SLC25A21: variants seen among roughly 807,000 people sequenced by gnomAD.
SLC25A21 encodes mitochondrial 2-oxodicarboxylate carrier.
In SLC25A21, 47 loss-of-function variants were observed where a neutral mutation model predicts 43.8. The ratio of observed to expected loss-of-function variants is 1.07; its 90% CI spans 0.85 to 1.37. The LOEUF (loss-of-function observed/expected upper bound fraction) is 1.37, where lower values mean the gene tolerates loss of function less well. Among genes scored for constraint, SLC25A21 ranks in the 40% most tolerant of loss-of-function variants. SLC25A21 has a pLI of 0.00. For missense variants in SLC25A21, 352 were observed against 350.2 expected (o/e 1.00, Z -0.04); for synonymous variants, 131 against 121.3 (o/e 1.08, Z -0.52).
At chr14:36,936,480 A>G (rs905160802) in intron 1 of SLC25A21, among the ~76,000 whole-genome samples, 2 of 152,194 alleles carry the variant, frequency 1.3e-5, no homozygotes, top group African/African-American at 4.8e-5. Flanking sequence ...AGCCACTAAC[A>G]ACTTTTCCAT....
chr14:37,060,393 AATAATAAT>A (rs911996333), intron 1 of SLC25A21, among the ~76,000 whole-genome samples: 25 of 146,004 alleles, frequency 1.7e-4, no homozygotes, highest in African/African-American at 6.2e-4. Flanking sequence ...TAATAATAAT[AATAATAAT>A]AATAATAATA....
intron 1 of SLC25A21, among the ~76,000 whole-genome samples, chr14:37,055,368 C>T (rs564454478): frequency 1.3e-5 from 2 of 152,298 alleles, no homozygotes; most frequent in Non-Finnish European, 2.9e-5. Flanking sequence ...TGGCAGAGGG[C>T]AGCCTGAAGT....
intron 1 of SLC25A21, among the ~76,000 whole-genome samples, chr14:36,879,021 T>C (rs1424221954): frequency 2.0e-5 from 3 of 152,178 alleles, no homozygotes; most frequent in African/African-American, 7.2e-5. Context: ...TAAATATAAA[T>C]TTAGATCAGT....
At chr14:36,770,632 T>C (rs913067435) in intron 3 of SLC25A21, among the ~76,000 whole-genome samples, 1 of 152,184 alleles carries the variant, frequency 6.6e-6, no homozygotes, top group African/African-American at 2.4e-5. Context: ...ACTTGTGATT[T>C]CTGGTGATTT....
intron 1 of SLC25A21, among the ~76,000 whole-genome samples, chr14:37,113,009 C>T (rs1443053225): frequency 6.6e-6 from 1 of 152,204 alleles, no homozygotes; most frequent in Non-Finnish European, 1.5e-5. Context: ...TCATTAAGTG[C>T]CTCTGCCTCT....
chr14:37,065,761 C>T (rs80213613), intron 1 of SLC25A21, among the ~76,000 whole-genome samples: 4,826 of 151,990 alleles, frequency 0.032, 244 homozygotes, highest in African/African-American at 0.11. Context: ...AATCATTAGA[C>T]ATATATGGTA....
At chr14:36,799,989 T>C (rs1887812485) in intron 3 of SLC25A21, among the ~76,000 whole-genome samples, 1 of 152,210 alleles carries the variant, frequency 6.6e-6, no homozygotes, top group Non-Finnish European at 1.5e-5. Flanking sequence ...GGATAAAACA[T>C]TGAAAGTCAT....
At chr14:36,976,768 T>G (rs191146815) in intron 1 of SLC25A21, among the ~76,000 whole-genome samples, 17 of 152,316 alleles carry the variant, frequency 1.1e-4, no homozygotes, top group Middle Eastern at 3.4e-3. Context: ...GTTTTAGGAT[T>G]TGCACCTCAA....
At chr14:37,107,671 C>A (rs1414160836) in intron 1 of SLC25A21, among the ~76,000 whole-genome samples, 1 of 152,108 alleles carries the variant, frequency 6.6e-6, no homozygotes, top group Non-Finnish European at 1.5e-5. Context: ...TTGTTATCAT[C>A]CCCATTTCAC....
chr14:36,964,113 C>T (rs1032876340), intron 1 of SLC25A21, among the ~76,000 whole-genome samples: 4 of 152,064 alleles, frequency 2.6e-5, no homozygotes, highest in Non-Finnish European at 5.9e-5. Context: ...CTCATAAATA[C>T]TAATTATCAT....
At chr14:37,064,826 A>G (rs1962027479) in intron 1 of SLC25A21, among the ~76,000 whole-genome samples, 1 of 151,852 alleles carries the variant, frequency 6.6e-6, no homozygotes. Flanking sequence ...CACTGTAGTA[A>G]GCACTAGGGA....
chr14:36,993,693 A>G (rs1308619132), intron 1 of SLC25A21, among the ~76,000 whole-genome samples: 1 of 152,166 alleles, frequency 6.6e-6, no homozygotes, highest in African/African-American at 2.4e-5. Flanking sequence ...TCTTATCATC[A>G]TTCTCATCAT....
intron 3 of SLC25A21, among the ~76,000 whole-genome samples, chr14:36,779,969 T>G (rs1020307426): frequency 3.9e-5 from 6 of 151,962 alleles, no homozygotes; most frequent in Non-Finnish European, 8.8e-5. Context: ...AGTTACTTTC[T>G]CCTCTTTAAT....
intron 1 of SLC25A21, among the ~76,000 whole-genome samples, chr14:37,092,506 T>C (rs901031037): frequency 1.3e-5 from 2 of 152,192 alleles, no homozygotes; most frequent in Non-Finnish European, 2.9e-5. Flanking sequence ...AGGTGGATTA[T>C]TGGCTTTTAA....
intron 1 of SLC25A21, among the ~76,000 whole-genome samples, chr14:36,966,975 T>A (rs1025533725): frequency 6.6e-6 from 1 of 152,176 alleles, no homozygotes; most frequent in Non-Finnish European, 1.5e-5. Context: ...ACTTTATTTC[T>A]CTATATAGAA....
chr14:36,886,896 G>A (rs1890931606), intron 1 of SLC25A21, among the ~76,000 whole-genome samples: 1 of 152,128 alleles, frequency 6.6e-6, no homozygotes, highest in Admixed American at 6.6e-5. Flanking sequence ...ACTTGGGTAA[G>A]TGAACCAATT....
chr14:36,945,869 T>C (rs1892668953), intron 1 of SLC25A21, among the ~76,000 whole-genome samples: 1 of 152,182 alleles, frequency 6.6e-6, no homozygotes, highest in Non-Finnish European at 1.5e-5. Flanking sequence ...GATGGTAAAT[T>C]TTATGTTATG....
At chr14:36,898,217 T>C (rs557988175) in intron 1 of SLC25A21, among the ~76,000 whole-genome samples, 1 of 152,246 alleles carries the variant, frequency 6.6e-6, no homozygotes, top group Non-Finnish European at 1.5e-5. Context: ...GTTTACCCAC[T>C]CAAGCCTCAG....
intron 1 of SLC25A21, among the ~76,000 whole-genome samples, chr14:36,935,084 C>T (rs1359229925): frequency 6.6e-6 from 1 of 151,970 alleles, no homozygotes; most frequent in Non-Finnish European, 1.5e-5. Context: ...AGAAGTGTTT[C>T]AATCCACTCT....
Sources: gnomAD v4.1 joint callset for allele counts (sites outside exome capture counted in the v4.1 genomes callset) on GRCh38, gnomAD v4.1.1 for gene constraint, MANE v1.5 for transcripts, NCBI Gene and HGNC (gene_info 2026-07-23, HGNC 2026-07-21) for gene names.